Variants in ANKMY1 observed in about 807,000 individuals in gnomAD.
ANKMY1 encodes the protein ankyrin repeat and MYND domain containing 1, also known as ankyrin repeat and MYND domain-containing protein 1.
A neutral mutation model predicts 102.0 loss-of-function variants in ANKMY1; 98 were observed. That is an observed-to-expected ratio of 0.96 (90% CI 0.82 to 1.14). The LOEUF (loss-of-function observed/expected upper bound fraction) is 1.14, where lower values mean the gene tolerates loss of function less well. ANKMY1 is among the 50% of genes most tolerant of loss of function. The probability of loss-of-function intolerance (pLI) is 0.00; values close to 1 mark genes in which losing one functional copy is unlikely to be tolerated. For missense variants in ANKMY1, 1,330 were observed against 1,347.6 expected, an observed-to-expected ratio of 0.99 and a Z score of 0.20; for synonymous variants, 582 against 559.9, an observed-to-expected ratio of 1.04 and a Z score of -0.56.
chr2:240,476,837 G>A (rs1209722052), downstream of ANKMY1, among the ~76,000 whole-genome samples: 1 of 152,194 alleles, frequency 6.6e-6, no homozygotes, highest in Non-Finnish European at 1.5e-5. Flanking sequence ...CCCAGCAAGG[G>A]ACTGCTCTCT....
At chr2:240,491,612 AT>A (rs1210142935) in intron 15 of ANKMY1, among the ~76,000 whole-genome samples, 4 of 152,162 alleles carry the variant, frequency 2.6e-5, no homozygotes, top group African/African-American at 9.7e-5. Flanking sequence ...GTAGTAATGA[AT>A]TACCTCACCA....
At chr2:240,533,481 T>C (rs2085942738) in intron 4 of ANKMY1, among the ~76,000 whole-genome samples, 1 of 152,220 alleles carries the variant, frequency 6.6e-6, no homozygotes, top group Non-Finnish European at 1.5e-5. Context: ...TTTATTTAAC[T>C]CAATCTTTCT....
chr2:240,491,185 G>A (rs1283598909), intron 15 of ANKMY1, among the ~76,000 whole-genome samples: 4 of 148,304 alleles, frequency 2.7e-5, no homozygotes, highest in African/African-American at 1.0e-4. Flanking sequence ...GTTTCTGTTT[G>A]CTTGGAATAT....
chr2:240,495,013 A>G (rs185561800), intron 15 of ANKMY1, among the ~76,000 whole-genome samples: 229 of 152,298 alleles, frequency 1.5e-3, no homozygotes, highest in African/African-American at 5.4e-3. Context: ...CTCGATCTAC[A>G]ATCATAACCT....
At position 240,529,034 on chromosome 2, in the gene ANKMY1, C is replaced by A; in HGVS notation, c.953+3G>T. 1 of 1,613,432 alleles carries A rather than the reference C, an allele frequency of 6.2e-7. No individual in the cohort carries two copies. The highest frequency in any genetic ancestry group is 1.1e-5 in the South Asian group (1 of 90,988). On this transcript the variant is annotated splice_donor_region_variant and intron_variant, in intron 5 of 17. Coordinates refer to ENST00000401804, the MANE Select transcript of ANKMY1 (RefSeq NM_001282771.3). The surrounding 1 kb of genome is among the most constrained non-coding windows in gnomAD (Gnocchi z 4.2). ...AGGGGAGGAGCAGTAGCAGACTAGTCACCTGAACTTGTAAGTTTGCTTCTG... is the reference window on the plus strand; with the variant it reads ...AGGGGAGGAGCAGTAGCAGACTAGTAACCTGAACTTGTAAGTTTGCTTCTG...
rs776862271 is a variant in ANKMY1 at position 240,529,145 on chromosome 2, C to A, written c.845G>T (p.Arg282Leu). 1 of 1,614,172 alleles carries A rather than the reference C, an allele frequency of 6.2e-7. No individual in the cohort carries two copies. The highest frequency in any genetic ancestry group is 8.5e-7 in the Non-Finnish European group (1 of 1,180,048). ...TSSFRKELDA[R>L]IFLNEIPPFV... ...CGGAGGAATTTCATTGAGGAAGATG[C>A]GGGCGTCCAGCTCTTTGCGGAAAGA... The change falls in exon 5 of 18, where the codon CGC (arginine) becomes CTC (leucine). Residue 282 changes from arginine (R) to leucine (L), a missense_variant. Arg to Leu is a moderately radical substitution (Grantham distance 102). Transcript: ENST00000401804. The surrounding 1 kb of genome is among the most constrained non-coding windows in gnomAD (Gnocchi z 4.2).
upstream of ANKMY1, chr2:240,560,981 C>G (rs2092931200): frequency 1.3e-6 from 2 of 1,541,366 alleles, no homozygotes; most frequent in East Asian, 5.0e-5. Context: ...GCGGCGCCTG[C>G]CTAGTCTACT....
intron 16 of ANKMY1, among the ~76,000 whole-genome samples, chr2:240,481,787 G>A (rs1185763913): frequency 6.6e-6 from 1 of 152,184 alleles, no homozygotes; most frequent in East Asian, 1.9e-4. Flanking sequence ...TGCAGGCTCT[G>A]CCGCATAGCC....
In ANKMY1 at chr2:240,500,049, C is replaced by T; in HGVS notation, c.2715G>A (p.Arg905=). 6.2e-7 allele frequency: 1 copy of T among 1,612,882 alleles called. No homozygotes were observed. The highest frequency in any genetic ancestry group is 8.5e-7 in the Non-Finnish European group (1 of 1,179,702). The change falls in exon 15 of 18, where the codon CGG becomes CGA. Residue 905 remains arginine (R), a synonymous_variant. Transcript: ENST00000401804. ...GCTGCAAGCCCATGTACTCCAGGAGCCGCTTCCGCGCCAGGAACGTCTCGC... is the reference window on the plus strand; with the variant it reads ...GCTGCAAGCCCATGTACTCCAGGAGTCGCTTCCGCGCCAGGAACGTCTCGC... ...AERETFLARK[R]LLEYMGLQLR... is the part of the protein sequence containing the mutation.
chr2:240,512,517 A>G (rs1435428142), intron 10 of ANKMY1, among the ~76,000 whole-genome samples: 1 of 152,208 alleles, frequency 6.6e-6, no homozygotes, highest in Non-Finnish European at 1.5e-5. Flanking sequence ...AGATGGAGTT[A>G]CCTGCAAAAG....
chr2:240,533,778 G>A (rs1209117243), intron 4 of ANKMY1, among the ~76,000 whole-genome samples: 7 of 150,746 alleles, frequency 4.6e-5, no homozygotes, highest in African/African-American at 7.3e-5. Context: ...AGAGTGATGC[G>A]TCATGAAAAA....
intron 15 of ANKMY1, among the ~76,000 whole-genome samples, chr2:240,482,876 G>C (rs148934382): frequency 5.3e-5 from 8 of 152,272 alleles, no homozygotes; most frequent in African/African-American, 1.9e-4. Context: ...ATCAGTTGTT[G>C]AAAGTGAGGA....
intron 4 of ANKMY1, among the ~76,000 whole-genome samples, chr2:240,547,840 A>G (rs2090723876): frequency 1.3e-5 from 2 of 150,212 alleles, no homozygotes; most frequent in African/African-American, 4.9e-5. Context: ...GAATAGACCA[A>G]TAACAGGAGC....
At chr2:240,486,853 G>C (rs1453517557) in intron 15 of ANKMY1, among the ~76,000 whole-genome samples, 2 of 152,046 alleles carry the variant, frequency 1.3e-5, no homozygotes, top group Non-Finnish European at 2.9e-5. Flanking sequence ...CCACTGTCTT[G>C]AGTCTCCTCT....
chr2:240,537,983 G>C (rs1446796522), intron 4 of ANKMY1, among the ~76,000 whole-genome samples: 1 of 152,216 alleles, frequency 6.6e-6, no homozygotes, highest in Non-Finnish European at 1.5e-5. Flanking sequence ...CTTCCACCAC[G>C]TGGCTGCGCT....
chr2:240,555,364 GATGGCCC>G (rs2092206935), intron 2 of ANKMY1: 2 of 386,480 alleles, frequency 5.2e-6, no homozygotes, highest in African/African-American at 2.0e-5. Flanking sequence ...TCCTGAGATC[GATGGCCC>G]TCTGTCCCAC....
Position 240,512,726 on chromosome 2 carries a change from T to C in ANKMY1, c.2145+76A>G, listed in dbSNP as rs896763936. The C allele has an allele frequency of 7.3e-6, 11 of 1,509,518 alleles. No individual in the cohort carries two copies. In the African/African-American group the frequency reaches 1.5e-4, roughly 21 times the overall value. 93.5% of individuals were successfully genotyped at this position (1,509,518 alleles called of 1,614,324 possible). A position where few individuals can be genotyped will look rare whatever the true frequency, so the allele number is the denominator to read the frequency against. ...CCCATCATGCTCGGCAAGCACAGGC[T>C]AGGCAGAGTGTGTGAATCCATCCAG... On this transcript the variant is annotated intron_variant, in intron 10 of 17. Coordinates refer to ENST00000401804, the MANE Select transcript of ANKMY1 (RefSeq NM_001282771.3).
intron 3 of ANKMY1, 175 bp from the exon 4 acceptor site, chr2:240,553,232 G>A: frequency 1.4e-6 from 1 of 707,950 alleles, no homozygotes; most frequent in Non-Finnish European, 2.3e-6. Flanking sequence ...GCACCCAGAG[G>A]GGTTACCAGG....
intron 15 of ANKMY1, among the ~76,000 whole-genome samples, chr2:240,484,259 A>G (rs1421108651): frequency 1.3e-5 from 2 of 152,230 alleles, no homozygotes; most frequent in African/African-American, 4.8e-5. Flanking sequence ...TCCTAACCAA[A>G]AAGAACAAAG....
Sources: allele counts gnomAD v4.1 joint callset (sites outside exome capture counted in the v4.1 genomes callset), GRCh38; gene constraint gnomAD v4.1.1; non-coding constraint Gnocchi (gnomAD v3.1); transcripts MANE v1.5; gene names NCBI Gene and HGNC (gene_info 2026-07-23, HGNC 2026-07-21).